The following BCAP29 variants were observed in gnomAD, a reference collection of about 807,000 sequenced individuals.
BCAP29 encodes the protein B-cell receptor-associated protein 29.
A neutral mutation model predicts 31.8 loss-of-function variants in BCAP29; 34 were observed. The observed-to-expected ratio is 1.07, with a 90% confidence interval of 0.81 to 1.42. The LOEUF (loss-of-function observed/expected upper bound fraction) is 1.42. Ranked by LOEUF, BCAP29 falls within the 40% of genes most tolerant of loss-of-function variation. The pLI, the probability that BCAP29 is intolerant of heterozygous loss-of-function variation, is 0.00. For missense variants in BCAP29, 314 were observed against 269.2 expected, an observed-to-expected ratio of 1.17 and a Z score of -1.16; for synonymous variants, 104 against 91.3, an observed-to-expected ratio of 1.14 and a Z score of -0.79.
At chr7:107,612,370 C>G (rs1226584068) in intron 6 of BCAP29, among the ~76,000 whole-genome samples, 2 of 136,786 alleles carry the variant, frequency 1.5e-5, no homozygotes, top group South Asian at 2.2e-4. Flanking sequence ...CTCATTAGCA[C>G]CTTCTTCACA....
At chr7:107,584,400 A>G (rs942421387) in intron 3 of BCAP29, among the ~76,000 whole-genome samples, 2 of 152,218 alleles carry the variant, frequency 1.3e-5, no homozygotes, top group Non-Finnish European at 2.9e-5. Flanking sequence ...CAGGGTGTGC[A>G]TTTGGACTGG....
chr7:107,583,387 T>A (rs905798284), intron 2 of BCAP29, among the ~76,000 whole-genome samples: 5 of 152,124 alleles, frequency 3.3e-5, no homozygotes, highest in African/African-American at 1.2e-4. Flanking sequence ...ACCTGGGTAG[T>A]TTTTATAATT....
intron 6 of BCAP29, among the ~76,000 whole-genome samples, chr7:107,601,177 T>C (rs1811113230): frequency 6.6e-6 from 1 of 152,232 alleles, no homozygotes; most frequent in African/African-American, 2.4e-5. Flanking sequence ...GAAAAGTAGA[T>C]AACCCAAATT....
chr7:107,600,528 A>G (rs750042287), intron 6 of BCAP29, 23 bp downstream of exon 6: 1 of 1,391,990 alleles, frequency 7.2e-7, no homozygotes, highest in Admixed American at 1.8e-5. Flanking sequence ...ACATGTGAAA[A>G]AGTAAAAAGA....
At chr7:107,585,600 C>G (rs1807502352) in intron 3 of BCAP29, among the ~76,000 whole-genome samples, 1 of 152,156 alleles carries the variant, frequency 6.6e-6, no homozygotes, top group South Asian at 2.1e-4. Context: ...ATTTTATGAT[C>G]TTCTAACTCT....
At chr7:107,580,901 G>A (rs752175635) in intron 2 of BCAP29, 37 bp downstream of exon 2, 16 of 1,473,742 alleles carry the variant, frequency 1.1e-5, no homozygotes, top group Non-Finnish European at 1.5e-5. Flanking sequence ...ATAAATATTG[G>A]ATCGCTCTTA....
downstream of BCAP29, chr7:107,621,946 T>C (rs1270270300): frequency 1.9e-6 from 1 of 522,922 alleles, no homozygotes; most frequent in Non-Finnish European, 3.9e-6. Context: ...TGTAATGGCC[T>C]GAACTGAATT....
At chr7:107,584,446 G>C (rs1248182229) in intron 3 of BCAP29, among the ~76,000 whole-genome samples, 1 of 152,172 alleles carries the variant, frequency 6.6e-6, no homozygotes, top group Non-Finnish European at 1.5e-5. Flanking sequence ...AGGTGGCTCA[G>C]GCCTGTAATC....
At position 107,588,010 on chromosome 7, in the gene BCAP29, A is replaced by G. The variant is rs187571140; in HGVS notation, c.193+4028A>G. ...ACTGAATAGTACATCAGATTGCAATATATAACACAGAGAAAAATAATTACT... is the reference window on the plus strand; with the variant it reads ...ACTGAATAGTACATCAGATTGCAATGTATAACACAGAGAAAAATAATTACT... On this transcript the variant is annotated intron_variant, in intron 3 of 7. Transcript: ENST00000005259. 21 of 152,322 alleles carry G rather than the reference A, an allele frequency of 1.4e-4. No homozygotes were observed. In the South Asian group the frequency reaches 1.7e-3, roughly 12 times the overall value. The allele number at this position is 152,322 out of a possible 1,614,324, so 9.4% of individuals were successfully genotyped here. A position where few individuals can be genotyped will look rare whatever the true frequency, so the allele number is the denominator to read the frequency against.
At chr7:107,599,313 A>ATATATAAATTATATATAAATTT (rs1563134299) in intron 5 of BCAP29, among the ~76,000 whole-genome samples, 7 of 110,402 alleles carry the variant, frequency 6.3e-5, no homozygotes, top group African/African-American at 3.7e-4. Flanking sequence ...TAAATTTTAT[A>ATATATAAATTATATATAAATTT]TATATATATA....
chr7:107,584,047 T>C, intron 3 of BCAP29, 65 bp downstream of exon 3: 1 of 916,374 alleles, frequency 1.1e-6, no homozygotes, highest in Non-Finnish European at 1.6e-6. Context: ...TTTTAATTAA[T>C]AGAGTTGATG....
At chr7:107,589,418 G>C (rs1453961688) in intron 3 of BCAP29, among the ~76,000 whole-genome samples, 1 of 152,150 alleles carries the variant, frequency 6.6e-6, no homozygotes, top group African/African-American at 2.4e-5. Context: ...CAGATCATCA[G>C]GCATTAGATT....
intron 5 of BCAP29, among the ~76,000 whole-genome samples, chr7:107,599,293 AAAT>A (rs1810645916): frequency 2.4e-5 from 1 of 42,152 alleles, no homozygotes; most frequent in Non-Finnish European, 4.9e-5. Flanking sequence ...TTTTATATAT[AAAT>A]TATATATAAA....
chr7:107,612,435 A>C (rs894493840), intron 6 of BCAP29, among the ~76,000 whole-genome samples: 1 of 79,290 alleles, frequency 1.3e-5, no homozygotes, highest in African/African-American at 4.8e-5. Flanking sequence ...ATATATATAT[A>C]TATATTTATT....
At chr7:107,588,666 C>T (rs1334288457) in intron 3 of BCAP29, among the ~76,000 whole-genome samples, 1 of 152,132 alleles carries the variant, frequency 6.6e-6, no homozygotes, top group Non-Finnish European at 1.5e-5. Context: ...GCTTTCCAGT[C>T]ATGTGGCATA....
chr7:107,599,295 A>ATATAATTTTTATATATATAT (rs1563134201), intron 5 of BCAP29, among the ~76,000 whole-genome samples: 4 of 23,366 alleles, frequency 1.7e-4, no homozygotes, highest in Admixed American at 4.7e-4. Flanking sequence ...TTATATATAA[A>ATATAATTTTTATATATATAT]TTATATATAA....
At chr7:107,587,610 G>A (rs1172370377) in intron 3 of BCAP29, 2 of 152,152 alleles carry the variant, frequency 1.3e-5, no homozygotes, top group South Asian at 2.1e-4. Flanking sequence ...AAATGACAAA[G>A]GGGAAATAGC....
intron 3 of BCAP29, among the ~76,000 whole-genome samples, chr7:107,585,262 C>T (rs1807432759): frequency 6.6e-6 from 1 of 152,174 alleles, no homozygotes; most frequent in African/African-American, 2.4e-5. Context: ...TGTTCCAAAC[C>T]ACCAATCTCT....
chr7:107,613,477 T>A, intron 7 of BCAP29, 45 bp downstream of exon 7: 1 of 1,429,270 alleles, frequency 7.0e-7, no homozygotes, highest in Non-Finnish European at 9.8e-7. Flanking sequence ...TTTGAAATAG[T>A]AATTACCTAA....
Sources: gnomAD v4.1 joint callset for allele counts (sites outside exome capture counted in the v4.1 genomes callset) on GRCh38, gnomAD v4.1.1 for gene constraint, MANE v1.5 for transcripts, NCBI Gene and HGNC (gene_info 2026-07-23, HGNC 2026-07-21) for gene names.